The following HTR4 variants were observed in gnomAD, a reference collection of about 807,000 sequenced individuals.
The protein encoded by HTR4 is 5-hydroxytryptamine (serotonin) receptor 4, G protein-coupled.
Under a neutral mutation model 36.8 loss-of-function variants are expected in HTR4, and 16 were observed. That is an observed-to-expected ratio of 0.43 (90% CI 0.29 to 0.66). The LOEUF (loss-of-function observed/expected upper bound fraction) is 0.66. Among genes scored for constraint, HTR4 ranks in the 30% least tolerant of loss-of-function variants. The pLI is 0.13. For synonymous variants in HTR4, 189 were observed against 185.1 expected, an observed-to-expected ratio of 1.02 and a Z score of -0.17; for missense variants, 438 against 490.9, an observed-to-expected ratio of 0.89 and a Z score of 1.02.
At chr5:148,517,539 T>C (rs559645505) in intron 5 of HTR4, among the ~76,000 whole-genome samples, 14 of 152,246 alleles carry the variant, frequency 9.2e-5, no homozygotes, top group African/African-American at 2.4e-4. Flanking sequence ...CTCATCTCGA[T>C]TGATGGTTAC....
Position 148,523,311 on chromosome 5 carries a change from C to T in HTR4, c.389G>A (p.Arg130Lys). The stretch of plus-strand genomic sequence containing the variant: ...GATGCGCAGAGGGGTCATCTTGTTC[C>T]TATAGACCAAAGGCTGGCAGCAGAT... ...YAICCQPLVY[R>K]NKMTPLRIAL... Residue 130 changes from arginine (R) to lysine (K), a missense_variant, in exon 5 of 7, where the codon AGG (arginine) becomes AAG (lysine). By Grantham distance (26) the Arg-to-Lys change is conservative. Coordinates refer to ENST00000377888, the MANE Select transcript of HTR4 (RefSeq NM_000870.7). 6.2e-7 allele frequency: 1 copy of T among 1,612,468 alleles called. No homozygotes were observed. The highest frequency in any genetic ancestry group is 1.3e-5 in the African/African-American group (1 of 74,922).
rs199587024 is a variant in HTR4, at chr5:148,636,962, C to T, written c.26+27G>A. 7.8e-5 allele frequency: 113 copies of T among 1,441,986 alleles called. No individual in the cohort carries two copies. In the East Asian group the frequency reaches 2.4e-3, roughly 31 times the overall value. The allele number at this position is 1,441,986 out of a possible 1,614,324, so 89.3% of individuals were successfully genotyped here. ...TAGCAGAAATGTTCTCAGTTTACAA[C>T]ACAATATGTACAGAAAGGTAACATA... On this transcript the variant is annotated intron_variant, in intron 2 of 6. Transcript: ENST00000377888.
chr5:148,553,024 G>C (rs1287587870), intron 2 of HTR4, among the ~76,000 whole-genome samples: 1 of 152,200 alleles, frequency 6.6e-6, no homozygotes, highest in African/African-American at 2.4e-5. Flanking sequence ...GCAGCTATCT[G>C]AGCGCTGTCA....
intron 2 of HTR4, among the ~76,000 whole-genome samples, chr5:148,624,855 G>C (rs868371542): frequency 2.0e-5 from 3 of 152,124 alleles, no homozygotes; most frequent in Non-Finnish European, 2.9e-5. Context: ...TAAAATAAAG[G>C]CTTTATCAAT....
At chr5:148,530,663 C>G (rs1329187088) in intron 4 of HTR4, among the ~76,000 whole-genome samples, 1 of 152,170 alleles carries the variant, frequency 6.6e-6, no homozygotes, top group Non-Finnish European at 1.5e-5. Flanking sequence ...TACTGGGGCA[C>G]CAACTAGTAG....
intron 4 of HTR4, among the ~76,000 whole-genome samples, chr5:148,529,703 G>C (rs1254243942): frequency 2.0e-5 from 3 of 152,238 alleles, no homozygotes; most frequent in Admixed American, 6.5e-5. Context: ...TTGGAACTGA[G>C]TAACAGGCAG....
intron 6 of HTR4, among the ~76,000 whole-genome samples, chr5:148,500,701 C>T (rs1378673136): frequency 2.0e-5 from 3 of 151,836 alleles, no homozygotes; most frequent in Non-Finnish European, 4.4e-5. Context: ...GGGCCAAACA[C>T]ATAAAGATGC....
Position 148,533,786 on chromosome 5 carries a change from T to G in HTR4, c.354-10440A>C, listed in dbSNP as rs368197333. 9.2e-5 allele frequency among the ~76,000 whole-genome samples: 14 copies of G among 152,320 alleles called. No homozygotes were observed. In the South Asian group the frequency reaches 2.9e-3, roughly 32 times the overall value. On this transcript the variant is annotated intron_variant, in intron 4 of 6. Coordinates refer to ENST00000377888, the MANE Select transcript of HTR4 (RefSeq NM_000870.7). ...TAAAGTTAGAATAATTATGTCAACC[T>G]CCAATTATGCCTCTCCTTCACTGTG...
At chr5:148,563,350 T>C (rs1330773153) in intron 2 of HTR4, among the ~76,000 whole-genome samples, 2 of 152,194 alleles carry the variant, frequency 1.3e-5, no homozygotes, top group Non-Finnish European at 2.9e-5. Flanking sequence ...CTCAGATTCA[T>C]CTCTGCAGAG....
At chr5:148,484,459 T>A (rs1756054883) in intron 6 of HTR4, 4 of 1,349,690 alleles carry the variant, frequency 3.0e-6, no homozygotes, top group Non-Finnish European at 4.1e-6. Flanking sequence ...GTCTATGGTT[T>A]CTGGAGATTA....
chr5:148,644,787 G>A (rs1441685794), intron 1 of HTR4: 2 of 152,114 alleles, frequency 1.3e-5, no homozygotes, highest in African/African-American at 2.4e-5. Context: ...CCAATTTATT[G>A]TGCTTGTGTG....
chr5:148,649,817 C>A (rs1038619358), intron 1 of HTR4, among the ~76,000 whole-genome samples: 2 of 152,156 alleles, frequency 1.3e-5, no homozygotes, highest in Non-Finnish European at 1.5e-5. Flanking sequence ...GTTTAGTTAT[C>A]TTAAAATCAG....
At chr5:148,561,572 T>C (rs1040641738) in intron 2 of HTR4, among the ~76,000 whole-genome samples, 3 of 152,188 alleles carry the variant, frequency 2.0e-5, no homozygotes, top group Non-Finnish European at 4.4e-5. Flanking sequence ...CTTTACAAGA[T>C]CATTTTTTCT....
At chr5:148,490,736 C>T (rs1756378491) in intron 6 of HTR4, 1 of 1,271,926 alleles carries the variant, frequency 7.9e-7, no homozygotes, top group African/African-American at 1.5e-5. Context: ...GTAAGGCAAT[C>T]CATTCCATTT....
intron 4 of HTR4, among the ~76,000 whole-genome samples, chr5:148,535,650 T>G (rs1415907934): frequency 1.3e-5 from 2 of 152,212 alleles, no homozygotes; most frequent in Non-Finnish European, 2.9e-5. Context: ...ACTTGAAGAT[T>G]GTCTCTCTAA....
chr5:148,550,648 C>A (rs780341873), intron 2 of HTR4, among the ~76,000 whole-genome samples: 3 of 152,102 alleles, frequency 2.0e-5, no homozygotes, highest in Non-Finnish European at 4.4e-5. Flanking sequence ...CAGGAGCAGC[C>A]CAATTTGGTC....
intron 4 of HTR4, among the ~76,000 whole-genome samples, chr5:148,536,338 A>G (rs922265630): frequency 6.6e-6 from 1 of 152,200 alleles, no homozygotes; most frequent in Non-Finnish European, 1.5e-5. Flanking sequence ...AAGCCAGCAT[A>G]ATAACCAGCT....
At chr5:148,489,580 G>A (rs371952169) in intron 6 of HTR4, among the ~76,000 whole-genome samples, 126 of 152,318 alleles carry the variant, frequency 8.3e-4, no homozygotes, top group South Asian at 2.1e-3. Flanking sequence ...TATTGGAACT[G>A]TGCCTAGAAG....
At chr5:148,610,795 T>G (rs1168487807) in intron 2 of HTR4, among the ~76,000 whole-genome samples, 5 of 142,452 alleles carry the variant, frequency 3.5e-5, no homozygotes, top group Non-Finnish European at 7.6e-5. Flanking sequence ...TTTAGAAGAA[T>G]GTATAACTAG....
Sources: gnomAD v4.1 joint callset for allele counts (sites outside exome capture counted in the v4.1 genomes callset) on GRCh38, gnomAD v4.1.1 for gene constraint, MANE v1.5 for transcripts, NCBI Gene and HGNC (gene_info 2026-07-23, HGNC 2026-07-21) for gene names.